Variants in SLC4A4 observed in about 807,000 individuals in gnomAD.
The protein encoded by SLC4A4 is electrogenic sodium bicarbonate cotransporter 1.
Under a neutral mutation model 111.5 loss-of-function variants are expected in SLC4A4, and 27 were observed. That is an observed-to-expected ratio of 0.24 (90% CI 0.18 to 0.33). SLC4A4 has a LOEUF of 0.33. Ranked by LOEUF, SLC4A4 falls within the 10% of genes least tolerant of loss-of-function variation. SLC4A4 has a pLI of 1.00. For missense variants in SLC4A4, 909 were observed against 1,315.5 expected, an observed-to-expected ratio of 0.69 and a Z score of 4.78; for synonymous variants, 443 against 463.4, an observed-to-expected ratio of 0.96 and a Z score of 0.57.
chr4:71,191,442 AC>A (rs1282237700), intron 1 of SLC4A4, among the ~76,000 whole-genome samples: 2 of 152,242 alleles, frequency 1.3e-5, no homozygotes, highest in African/African-American at 2.4e-5. Flanking sequence ...CTTAAACTTA[AC>A]TACAAATTAT....
intron 3 of SLC4A4, among the ~76,000 whole-genome samples, chr4:71,307,999 C>G (rs1725826506): frequency 6.6e-6 from 1 of 152,112 alleles, no homozygotes; most frequent in African/African-American, 2.4e-5. Flanking sequence ...CCACTCCCTG[C>G]TTGCAGCCCT....
In SLC4A4 at chr4:71,424,182, A is replaced by G. The variant is rs1577864030; in HGVS notation, c.808-16434A>G. Among the ~76,000 whole-genome samples, 7 of 152,246 alleles carry G rather than the reference A, an allele frequency of 4.6e-5. No individual in the cohort carries two copies. The South Asian group carries it at 1.5e-3, about 32-fold the overall frequency. ...AACCCCATCAAAAAGTGGGCAAAGG[A>G]CATGAACAGACACTTCTCAAAAGAA... On this transcript the variant is annotated intron_variant, in intron 7 of 25. Transcript: ENST00000264485.
At chr4:71,490,715 G>C (rs1292881088) in intron 15 of SLC4A4, among the ~76,000 whole-genome samples, 4 of 151,758 alleles carry the variant, frequency 2.6e-5, no homozygotes, top group African/African-American at 9.7e-5. Context: ...AGTCTTTCGT[G>C]TATTACCCAT....
intron 12 of SLC4A4, among the ~76,000 whole-genome samples, chr4:71,454,229 G>A (rs906555651): frequency 6.6e-6 from 1 of 152,110 alleles, no homozygotes; most frequent in African/African-American, 2.4e-5. Context: ...GACTTATTTT[G>A]TATGATTAAT....
At chr4:71,276,451 C>T (rs1723072341) in intron 3 of SLC4A4, among the ~76,000 whole-genome samples, 1 of 152,132 alleles carries the variant, frequency 6.6e-6, no homozygotes, top group African/African-American at 2.4e-5. Context: ...ATAGTTACAC[C>T]CCCTCCTTTC....
intron 7 of SLC4A4, among the ~76,000 whole-genome samples, chr4:71,408,338 CT>C (rs1471916895): frequency 6.6e-6 from 1 of 152,116 alleles, no homozygotes; most frequent in Non-Finnish European, 1.5e-5. Flanking sequence ...ACTGCTTTTT[CT>C]ACTGAGTTGT....
At chr4:71,083,896 A>C (rs1560709519) in intron 1 of SLC4A4, among the ~76,000 whole-genome samples, 1 of 151,152 alleles carries the variant, frequency 6.6e-6, no homozygotes, top group East Asian at 1.9e-4. Context: ...CATGGTAAGC[A>C]TTCTGCTCAT....
At chr4:71,424,263 G>C (rs1340394511) in intron 7 of SLC4A4, among the ~76,000 whole-genome samples, 1 of 152,086 alleles carries the variant, frequency 6.6e-6, no homozygotes, top group African/African-American at 2.4e-5. Flanking sequence ...CTGGCCATCA[G>C]AGAAATGCAA....
chr4:71,532,038 C>A (rs1286989604), intron 16 of SLC4A4, 24 bp from the exon 17 acceptor site: 1 of 1,386,856 alleles, frequency 7.2e-7, no homozygotes, highest in East Asian at 2.3e-5. Flanking sequence ...TAAATGGTTC[C>A]TGGTTTCTTT....
At chr4:71,436,741 A>G (rs574092618) in intron 7 of SLC4A4, among the ~76,000 whole-genome samples, 444 of 152,306 alleles carry the variant, frequency 2.9e-3, no homozygotes, top group Non-Finnish European at 5.7e-3. Context: ...AGAGATAATT[A>G]ATTCTCAACA....
At chr4:71,134,271 T>C (rs1448555132) in intron 2 of SLC4A4, among the ~76,000 whole-genome samples, 1 of 152,242 alleles carries the variant, frequency 6.6e-6, no homozygotes, top group African/African-American at 2.4e-5. Context: ...CCCAGATTCC[T>C]GGGCCAGGGG....
intron 12 of SLC4A4, among the ~76,000 whole-genome samples, chr4:71,462,394 T>C (rs1263899667): frequency 1.3e-5 from 2 of 151,668 alleles, no homozygotes; most frequent in African/African-American, 4.8e-5. Context: ...CCTTAGAGAT[T>C]ATCCAGTCCA....
chr4:71,206,947 G>A (rs1046016150), intron 1 of SLC4A4, among the ~76,000 whole-genome samples: 3 of 152,044 alleles, frequency 2.0e-5, no homozygotes, highest in Admixed American at 6.6e-5. Flanking sequence ...CAGCTTGGAC[G>A]ATCATATTAC....
chr4:71,294,043 A>G (rs937634520), intron 3 of SLC4A4, among the ~76,000 whole-genome samples: 1 of 152,234 alleles, frequency 6.6e-6, no homozygotes, highest in Non-Finnish European at 1.5e-5. Flanking sequence ...ATGGATAACA[A>G]AGGAGAACTT....
At chr4:71,351,053 T>C (rs1211942935) in intron 5 of SLC4A4, among the ~76,000 whole-genome samples, 1 of 152,162 alleles carries the variant, frequency 6.6e-6, no homozygotes, top group Non-Finnish European at 1.5e-5. Context: ...ATGGCTCCAG[T>C]TTGGAATGCA....
intron 2 of SLC4A4, among the ~76,000 whole-genome samples, chr4:71,127,082 C>A (rs551774845): frequency 1.3e-5 from 2 of 152,184 alleles, no homozygotes; most frequent in Non-Finnish European, 1.5e-5. Context: ...CTTATTCAGA[C>A]CCCAAAAATG....
intron 2 of SLC4A4, among the ~76,000 whole-genome samples, chr4:71,122,564 G>A (rs549508747): frequency 6.6e-6 from 1 of 152,018 alleles, no homozygotes; most frequent in East Asian, 1.9e-4. Flanking sequence ...TGAGACTTCA[G>A]GTTCAGAGAT....
intron 14 of SLC4A4, among the ~76,000 whole-genome samples, chr4:71,478,636 A>G (rs1450247491): frequency 6.6e-6 from 1 of 151,874 alleles, no homozygotes; most frequent in Non-Finnish European, 1.5e-5. Context: ...GAGGGAGAGC[A>G]TTAGGAGAAA....
At chr4:71,146,917 T>G (rs1328379622) in intron 2 of SLC4A4, among the ~76,000 whole-genome samples, 1 of 152,300 alleles carries the variant, frequency 6.6e-6, no homozygotes, top group East Asian at 1.9e-4. Context: ...ATGGGCTAAA[T>G]GCTCCAATTA....
Sources: gnomAD v4.1 joint callset for allele counts (sites outside exome capture counted in the v4.1 genomes callset) on GRCh38, gnomAD v4.1.1 for gene constraint, MANE v1.5 for transcripts, NCBI Gene and HGNC (gene_info 2026-07-23, HGNC 2026-07-21) for gene names.